The following MPPE1 variants were observed in gnomAD, a reference collection of about 807,000 sequenced individuals.
The protein encoded by MPPE1 is metallo phosphoesterase.
Under a neutral mutation model 43.8 loss-of-function variants are expected in MPPE1, and 28 were observed. That is an observed-to-expected ratio of 0.64 (90% CI 0.47 to 0.88). MPPE1 has a LOEUF of 0.88. Ranked by LOEUF, MPPE1 falls within the 40% of genes least tolerant of loss-of-function variation. The probability of loss-of-function intolerance (pLI) is 0.00; values close to 1 mark genes in which losing one functional copy is unlikely to be tolerated. For synonymous variants in MPPE1, 159 were observed against 188.5 expected (o/e 0.84, Z 1.28); for missense variants, 428 against 492.2 (o/e 0.87, Z 1.23).
intron 2 of MPPE1, among the ~76,000 whole-genome samples, chr18:11,903,603 G>A (rs2039410820): frequency 6.6e-6 from 1 of 152,100 alleles, no homozygotes; most frequent in Admixed American, 6.6e-5. Flanking sequence ...TTAGGAGATC[G>A]AGACCATCCT....
chr18:11,896,438 A>G (rs897920808), intron 3 of MPPE1, among the ~76,000 whole-genome samples: 1 of 152,172 alleles, frequency 6.6e-6, no homozygotes, highest in Non-Finnish European at 1.5e-5. Flanking sequence ...CTGGTGAAAA[A>G]AACAATGGAC....
rs565498035 is a variant in MPPE1, at chr18:11,894,925, C to T, written c.282-1349G>A. ...ATGGGGATTTTAAACCCTACTTGCACAGGATAGTTACAGGGTTAAATAAGA... is the reference window on the plus strand; with the variant it reads ...ATGGGGATTTTAAACCCTACTTGCATAGGATAGTTACAGGGTTAAATAAGA... On this transcript the variant is annotated intron_variant, in intron 3 of 10. Transcript: ENST00000588072. 3.7e-4 allele frequency among the ~76,000 whole-genome samples: 57 copies of T among 152,276 alleles called. 1 individual carries two copies. In the South Asian group the frequency reaches 0.011, roughly 30 times the overall value.
At chr18:11,891,884 A>G (rs1311483420) in intron 4 of MPPE1, among the ~76,000 whole-genome samples, 2 of 152,220 alleles carry the variant, frequency 1.3e-5, no homozygotes, top group South Asian at 4.1e-4. Context: ...AGTGGTGCAC[A>G]GCTGACTGTG....
Position 11,885,592 on chromosome 18 carries a change from C to T in MPPE1, c.1008+84G>A, listed in dbSNP as rs1028336930. 87 of 1,489,108 alleles carry T rather than the reference C, an allele frequency of 5.8e-5. No individual in the cohort carries two copies. The East Asian group carries it at 1.9e-3, about 32-fold the overall frequency. 92.2% of individuals were successfully genotyped at this position (1,489,108 alleles called of 1,614,324 possible). A position where few individuals can be genotyped will look rare whatever the true frequency, so the allele number is the denominator to read the frequency against. ...GTGTGTGGCTTTTGTAAATTTTGAC[C>T]GATTGCAGCAATTAAATAGTTGATT... On this transcript the variant is annotated intron_variant, in intron 10 of 10. Transcript: ENST00000588072.
In MPPE1 at chr18:11,897,108, C is replaced by T; in HGVS notation, c.157G>A (p.Glu53Lys). The change falls in exon 3 of 11, where the codon GAA becomes AAA. Residue 53 changes from glutamate (E) to lysine (K), a missense_variant. This residue lies in a region of MPPE1 where 48 missense variants were observed against 73.5 expected (regional missense o/e 0.65). Transcript: ENST00000588072. ...YLAIFQCNWPEVKTTASDGEQ... is the reference protein window; with the variant it reads ...YLAIFQCNWPKVKTTASDGEQ... ...CCATCAGAGGCTGTGGTTTTCACTTCAGGCCAATTACACTGAAAGATCGCT... is the reference window on the plus strand; with the variant it reads ...CCATCAGAGGCTGTGGTTTTCACTTTAGGCCAATTACACTGAAAGATCGCT... The T allele has an allele frequency of 6.7e-7, 1 of 1,495,934 alleles. No individual in the cohort carries two copies. Among genetic ancestry groups the T allele is most frequent in the Non-Finnish European group, 9.2e-7 (1 of 1,083,146 alleles). 92.7% of individuals were successfully genotyped at this position (1,495,934 alleles called of 1,614,324 possible). A position where few individuals can be genotyped will look rare whatever the true frequency, so the allele number is the denominator to read the frequency against.
intron 3 of MPPE1, among the ~76,000 whole-genome samples, chr18:11,894,920 T>C (rs2038429333): frequency 6.6e-6 from 1 of 152,184 alleles, no homozygotes; most frequent in Admixed American, 6.5e-5. Flanking sequence ...TAAACCCTAC[T>C]TGCACAGGAT....
Position 11,886,530 on chromosome 18 carries a change from T to TAGTTCTCCTTAA in MPPE1, c.824_835dup (p.Phe275_Asn278dup), listed in dbSNP as rs779066494. The TAGTTCTCCTTAA allele has an allele frequency of 1.9e-6, 3 of 1,614,196 alleles. No individual in the cohort carries two copies. In the South Asian group the frequency reaches 3.3e-5, roughly 18 times the overall value. On this transcript the variant is annotated inframe_insertion, in exon 9 of 11. Coordinates refer to ENST00000588072, the MANE Select transcript of MPPE1 (RefSeq NM_023075.6). This position sits in a 1 kb window ranked among gnomAD's most constrained non-coding sequence, Gnocchi z 4.1. The stretch of plus-strand genomic sequence containing the variant: ...TGATGCCTCCCGTGAAAGCACGTCA[T>TAGTTCTCCTTAA]AGTTCTCCTTAAATGGGATGTCCCT...
intron 2 of MPPE1, chr18:11,905,717 C>T (rs1325258991): frequency 6.6e-6 from 1 of 152,244 alleles, no homozygotes; most frequent in African/African-American, 2.4e-5. Context: ...CTGCAGACAC[C>T]CCCACCCCGG....
chr18:11,897,846 G>T (rs1199923203), intron 2 of MPPE1, among the ~76,000 whole-genome samples: 1 of 152,114 alleles, frequency 6.6e-6, no homozygotes, highest in Non-Finnish European at 1.5e-5. Context: ...GAATATTCAT[G>T]GACAATGTGC....
intron 3 of MPPE1, among the ~76,000 whole-genome samples, chr18:11,894,107 TC>T (rs1393330166): frequency 6.6e-6 from 1 of 151,986 alleles, no homozygotes; most frequent in Non-Finnish European, 1.5e-5. Context: ...ATGCGAGTAA[TC>T]CTCCCAGAGG....
At position 11,906,240 on chromosome 18, in the gene MPPE1, T is replaced by C. The variant is rs2039702102; in HGVS notation, c.-130A>G. The C allele has an allele frequency of 6.6e-6, 1 of 152,182 alleles. No homozygotes were observed. The highest frequency in any genetic ancestry group is 6.5e-5 in the Admixed American group (1 of 15,270). 9.4% of individuals were successfully genotyped at this position (152,182 alleles called of 1,614,324 possible). A position where few individuals can be genotyped will look rare whatever the true frequency, so the allele number is the denominator to read the frequency against. ...AGGAAAATCACCAAGTCACCTCATC[T>C]TTTAAAGACAGAGAGATTGGTACGA... On this transcript the variant is annotated 5_prime_UTR_variant, in exon 2 of 11. Coordinates refer to ENST00000588072, the MANE Select transcript of MPPE1 (RefSeq NM_023075.6).
intron 2 of MPPE1, among the ~76,000 whole-genome samples, chr18:11,900,839 A>G (rs1288376753): frequency 4.2e-4 from 64 of 151,306 alleles, no homozygotes; most frequent in Admixed American, 1.1e-3. Context: ...CCCAGGAGGC[A>G]AAGCCTGCAG....
rs143566478 is a variant in MPPE1 at position 11,897,015 on chromosome 18, A to G, written c.250T>C (p.Phe84Leu). 87 of 1,591,296 alleles carry G rather than the reference A, an allele frequency of 5.5e-5. No homozygotes were observed. The highest frequency in any genetic ancestry group is 7.3e-5 in the Non-Finnish European group (86 of 1,171,056). ...FLADTHLLGE[F>L]LGHWLDKLRR... ...AATTTGTCCAGCCAGTGGCCTAGGAATTCCCCAAGCAAATGGGTGTCAGCC... is the reference window on the plus strand; with the variant it reads ...AATTTGTCCAGCCAGTGGCCTAGGAGTTCCCCAAGCAAATGGGTGTCAGCC... Residue 84 changes from phenylalanine to leucine, a missense_variant, in exon 3 of 11, where the codon TTC (phenylalanine) becomes CTC (leucine). Transcript: ENST00000588072.
chr18:11,890,831 T>A (rs1178477997), intron 4 of MPPE1, among the ~76,000 whole-genome samples: 1 of 152,170 alleles, frequency 6.6e-6, no homozygotes, highest in African/African-American at 2.4e-5. Context: ...GATGAGAACA[T>A]CTTTAAAGGT....
intron 2 of MPPE1, among the ~76,000 whole-genome samples, chr18:11,903,774 C>A (rs995672410): frequency 1.4e-4 from 21 of 152,124 alleles, no homozygotes; most frequent in Non-Finnish European, 2.1e-4. Flanking sequence ...CCATTGCACT[C>A]CAGCCTGGGG....
chr18:11,886,898 C>A lies in MPPE1; in HGVS notation c.678+19G>T. 1 of 1,600,542 alleles carries A rather than the reference C, an allele frequency of 6.2e-7. No homozygotes were observed. Among genetic ancestry groups the A allele is most frequent in the Non-Finnish European group, 8.5e-7 (1 of 1,169,654 alleles). On this transcript the variant is annotated intron_variant, in intron 7 of 10. Transcript: ENST00000588072. The surrounding 1 kb of genome is among the most constrained non-coding windows in gnomAD (Gnocchi z 4.1). ...AACACGGGACAGAAGGCACCTGTGG[C>A]ATTCAGATGCTCTCCTACCTCTCGG...
At chr18:11,890,361 T>C (rs1359688138) in intron 4 of MPPE1, among the ~76,000 whole-genome samples, 1 of 152,100 alleles carries the variant, frequency 6.6e-6, no homozygotes, top group Non-Finnish European at 1.5e-5. Flanking sequence ...CAGGATGGAG[T>C]GCAGTGGCCA....
intron 2 of MPPE1, among the ~76,000 whole-genome samples, chr18:11,898,771 C>A (rs2038848217): frequency 1.3e-5 from 2 of 152,116 alleles, no homozygotes; most frequent in Admixed American, 6.5e-5. Flanking sequence ...CCTATGATTT[C>A]ATTCCCAACC....
In MPPE1 at chr18:11,889,763, A is replaced by G. The variant is rs547061878; in HGVS notation, c.391-273T>C. 1.8e-4 allele frequency among the ~76,000 whole-genome samples: 28 copies of G among 151,752 alleles called. No homozygotes were observed. The East Asian group carries it at 1.9e-3, about 11-fold the overall frequency. On this transcript the variant is annotated intron_variant, in intron 4 of 10. Coordinates refer to ENST00000588072, the MANE Select transcript of MPPE1 (RefSeq NM_023075.6). Reference sequence around the variant, plus strand: ...GTGTGTGTGTATTTTTAGTAGAGACAGGGTTTCACCATGTTAGCCAGGATT... The same window carrying G: ...GTGTGTGTGTATTTTTAGTAGAGACGGGGTTTCACCATGTTAGCCAGGATT...
Sources: allele counts gnomAD v4.1 joint callset (sites outside exome capture counted in the v4.1 genomes callset), GRCh38; gene constraint gnomAD v4.1.1; regional missense constraint gnomAD v4.1.1; non-coding constraint Gnocchi (gnomAD v3.1); transcripts MANE v1.5; gene names NCBI Gene and HGNC (gene_info 2026-07-23, HGNC 2026-07-21).